SCIN: variants seen among roughly 807,000 people sequenced by gnomAD.
The protein encoded by SCIN is scinderin.
A neutral mutation model predicts 91.8 loss-of-function variants in SCIN; 91 were observed. The ratio of observed to expected loss-of-function variants is 0.99; its 90% CI spans 0.84 to 1.18. The LOEUF is 1.18. SCIN is among the 50% of genes most tolerant of loss of function. The pLI, the probability that SCIN is intolerant of heterozygous loss-of-function variation, is 0.00. For synonymous variants in SCIN, 367 were observed against 312.6 expected, an observed-to-expected ratio of 1.17 and a Z score of -1.84; for missense variants, 1,087 against 863.9, an observed-to-expected ratio of 1.26 and a Z score of -3.24.
intron 12 of SCIN, 28 bp from the exon 13 acceptor site, chr7:12,644,556 A>G (rs767959934): frequency 7.5e-6 from 12 of 1,608,132 alleles, no homozygotes; most frequent in Non-Finnish European, 5.1e-6. Context: ...CTGAAAATGC[A>G]CTGGATAACT....
chr7:12,636,171 T>TA (rs1359815177), intron 10 of SCIN, 36 bp downstream of exon 10: 2 of 1,522,108 alleles, frequency 1.3e-6, no homozygotes, highest in South Asian at 2.3e-5. Flanking sequence ...TCACACAAGT[T>TA]AAAGTCTTGC....
At chr7:12,617,639 G>A (rs544829372) in intron 4 of SCIN, among the ~76,000 whole-genome samples, 2 of 152,254 alleles carry the variant, frequency 1.3e-5, no homozygotes, top group South Asian at 4.1e-4. Flanking sequence ...ACAAGCTAAT[G>A]TGAACCTCAG....
intron 2 of SCIN, among the ~76,000 whole-genome samples, chr7:12,578,956 C>T (rs1161449041): frequency 9.4e-6 from 1 of 106,156 alleles, no homozygotes; most frequent in Non-Finnish European, 2.0e-5. Context: ...CCAGACTGGC[C>T]CTCCCTTCAC....
At chr7:12,650,256 A>G (rs958049528) in intron 14 of SCIN, among the ~76,000 whole-genome samples, 1 of 152,196 alleles carries the variant, frequency 6.6e-6, no homozygotes, top group Non-Finnish European at 1.5e-5. Context: ...CTGATCTACA[A>G]TGACCATGTT....
rs1489931190 is a variant in SCIN, at chr7:12,658,064, C to T, written c.*5349C>T. 2.0e-5 allele frequency: 3 copies of T among 152,062 alleles called. 1 individual carries two copies. The highest frequency in any genetic ancestry group is 4.4e-5 in the Non-Finnish European group (3 of 68,014). The allele number at this position is 152,062 out of a possible 1,614,324, so 9.4% of individuals were successfully genotyped here. ...CCATTATTTCTGTGCTGATTGCAAACAATACTGAATTAAAATATCCCTGCA... is the reference window on the plus strand; with the variant it reads ...CCATTATTTCTGTGCTGATTGCAAATAATACTGAATTAAAATATCCCTGCA... On this transcript the variant is annotated 3_prime_UTR_variant, in exon 16 of 16. Coordinates refer to ENST00000297029, the MANE Select transcript of SCIN (RefSeq NM_001112706.3).
intron 2 of SCIN, 148 bp from the exon 3 acceptor site, chr7:12,580,912 T>A: frequency 1.5e-6 from 1 of 655,672 alleles, no homozygotes. Flanking sequence ...TCTCTTGTTT[T>A]ATGGAATAGG....
intron 3 of SCIN, among the ~76,000 whole-genome samples, chr7:12,591,391 C>T (rs1162556235): frequency 6.6e-6 from 1 of 152,022 alleles, no homozygotes; most frequent in African/African-American, 2.4e-5. Context: ...AGCTGGCTAC[C>T]ACTTCTAGTG....
intron 8 of SCIN, among the ~76,000 whole-genome samples, chr7:12,628,276 A>G (rs116557771): frequency 6.6e-4 from 101 of 152,188 alleles, no homozygotes; most frequent in African/African-American, 2.3e-3. Context: ...CAGAAGTCAT[A>G]TTATTGGCAT....
At chr7:12,628,599 A>G (rs1267019679) in intron 8 of SCIN, among the ~76,000 whole-genome samples, 1 of 152,170 alleles carries the variant, frequency 6.6e-6, no homozygotes. Flanking sequence ...GGATTTCAAC[A>G]TACATTGTGG....
At chr7:12,602,770 C>G (rs1325710613) in intron 3 of SCIN, among the ~76,000 whole-genome samples, 1 of 152,078 alleles carries the variant, frequency 6.6e-6, no homozygotes. Context: ...TCCCTTGTTC[C>G]CTAAAAATCA....
intron 4 of SCIN, among the ~76,000 whole-genome samples, chr7:12,615,723 A>G (rs1398083449): frequency 1.3e-5 from 2 of 152,040 alleles, no homozygotes; most frequent in Non-Finnish European, 2.9e-5. Context: ...GAAAGAATAT[A>G]CATTTTCTTA....
intron 9 of SCIN, among the ~76,000 whole-genome samples, chr7:12,635,118 C>T (rs1433626668): frequency 6.6e-6 from 1 of 151,648 alleles, no homozygotes; most frequent in Non-Finnish European, 1.5e-5. Context: ...TGCAGTGAGC[C>T]AAGTTCACGC....
chr7:12,576,354 AGTTGTTTTTTTTTGTTGTTGTT>A (rs993365655), intron 1 of SCIN, among the ~76,000 whole-genome samples: 2 of 102,128 alleles, frequency 2.0e-5, no homozygotes, highest in African/African-American at 9.2e-5. Flanking sequence ...CTAGCTACTG[AGTTGTTTTTTTTTGTTGTTGTT>A]GTTGTTTCCC....
intron 13 of SCIN, 33 bp downstream of exon 13, chr7:12,644,738 G>T: frequency 1.3e-6 from 2 of 1,543,828 alleles, no homozygotes; most frequent in Non-Finnish European, 8.7e-7. Flanking sequence ...CGATAGGGCT[G>T]GTTGCGGTGG....
chr7:12,603,541 C>T (rs887063903), intron 3 of SCIN, among the ~76,000 whole-genome samples: 5 of 152,088 alleles, frequency 3.3e-5, no homozygotes, highest in Non-Finnish European at 5.9e-5. Context: ...ACAGCCACTC[C>T]AGGTCTGGGT....
intron 3 of SCIN, among the ~76,000 whole-genome samples, chr7:12,593,959 T>A (rs963735529): frequency 6.6e-6 from 1 of 152,178 alleles, no homozygotes; most frequent in African/African-American, 2.4e-5. Context: ...GATATTTAAA[T>A]TCTTTGATGT....
rs1245737259 is a variant in SCIN at position 12,657,601 on chromosome 7, A to G, written c.*4886A>G. 5.3e-5 allele frequency: 2 copies of G among 38,010 alleles called. No homozygotes were observed. The highest frequency in any genetic ancestry group is 1.3e-4 in the African/African-American group (2 of 15,430). 2.4% of individuals were successfully genotyped at this position (38,010 alleles called of 1,614,324 possible). A position where few individuals can be genotyped will look rare whatever the true frequency, so the allele number is the denominator to read the frequency against. On this transcript the variant is annotated 3_prime_UTR_variant, in exon 16 of 16. Coordinates refer to ENST00000297029, the MANE Select transcript of SCIN (RefSeq NM_001112706.3). ...TTTTTTTTTTTTTTTTTTTTTTTGC[A>G]TTGGCAAAAAAACAAAGATATTGTT...
intron 11 of SCIN, 136 bp downstream of exon 11, chr7:12,640,653 T>G (rs1028190226): frequency 1.3e-6 from 1 of 765,438 alleles, no homozygotes; most frequent in African/African-American, 1.8e-5. Flanking sequence ...TGTTCAAAAT[T>G]TTAAAAACAT....
intron 1 of SCIN, among the ~76,000 whole-genome samples, chr7:12,575,701 A>G (rs1782356448): frequency 6.6e-6 from 1 of 152,188 alleles, no homozygotes; most frequent in Admixed American, 6.5e-5. Flanking sequence ...ATAACAGAAC[A>G]TAAAAGACAC....
Sources: allele counts gnomAD v4.1 joint callset (sites outside exome capture counted in the v4.1 genomes callset), GRCh38; gene constraint gnomAD v4.1.1; transcripts MANE v1.5; gene names NCBI Gene and HGNC (gene_info 2026-07-23, HGNC 2026-07-21).